The following ASIC2 variants were observed in gnomAD, a reference collection of about 807,000 sequenced individuals.
ASIC2 encodes the protein acid sensing ion channel subunit 2, also known as acid-sensing ion channel 2.
Under a neutral mutation model 57.3 loss-of-function variants are expected in ASIC2, and 25 were observed. The observed-to-expected ratio is 0.44, with a 90% CI of 0.32 to 0.61. The LOEUF is 0.61. ASIC2 is among the 20% of genes least tolerant of loss of function. The probability of loss-of-function intolerance (pLI) is 0.06; values close to 1 mark genes in which losing one functional copy is unlikely to be tolerated. For missense variants in ASIC2, 641 were observed against 738.1 expected (o/e 0.87, Z 1.52); for synonymous variants, 319 against 307.5 (o/e 1.04, Z -0.39).
intron 1 of ASIC2, among the ~76,000 whole-genome samples, chr17:33,620,913 G>GC (rs1376235808): frequency 6.7e-6 from 1 of 150,168 alleles, no homozygotes; most frequent in Non-Finnish European, 1.5e-5. Flanking sequence ...CTCTGAGCCC[G>GC]CCCCCTTCCA....
intron 3 of ASIC2, among the ~76,000 whole-genome samples, chr17:33,028,947 T>A (rs1169378072): frequency 6.6e-6 from 1 of 152,216 alleles, no homozygotes; most frequent in Non-Finnish European, 1.5e-5. Context: ...ACTTTCCAAG[T>A]CATGCTGTAG....
intron 1 of ASIC2, among the ~76,000 whole-genome samples, chr17:33,177,472 C>G (rs1046738796): frequency 3.3e-5 from 5 of 152,126 alleles, no homozygotes; most frequent in African/African-American, 7.2e-5. Context: ...AAGGGGACAC[C>G]AAACACAAGT....
At chr17:33,233,448 C>T (rs1314276943) in intron 1 of ASIC2, among the ~76,000 whole-genome samples, 2 of 151,870 alleles carry the variant, frequency 1.3e-5, no homozygotes, top group Non-Finnish European at 2.9e-5. Context: ...ACACAATTCA[C>T]ATACACACGA....
chr17:33,479,745 C>A (rs2141925886), intron 1 of ASIC2, among the ~76,000 whole-genome samples: 1 of 152,288 alleles, frequency 6.6e-6, no homozygotes, highest in South Asian at 2.1e-4. Context: ...AGGCTGTGAC[C>A]AGGCCTTCGC....
chr17:33,460,980 C>T (rs1263411019), intron 1 of ASIC2, among the ~76,000 whole-genome samples: 1 of 152,192 alleles, frequency 6.6e-6, no homozygotes, highest in East Asian at 1.9e-4. Flanking sequence ...AGCTTTTCAG[C>T]TTTTCTCAAT....
intron 1 of ASIC2, among the ~76,000 whole-genome samples, chr17:33,801,661 TCA>T (rs1397054269): frequency 6.6e-6 from 1 of 152,198 alleles, no homozygotes; most frequent in Non-Finnish European, 1.5e-5. Flanking sequence ...GCATAGTGTC[TCA>T]ACACGTTAAT....
At chr17:33,637,319 G>A (rs1906404183) in intron 1 of ASIC2, among the ~76,000 whole-genome samples, 1 of 151,982 alleles carries the variant, frequency 6.6e-6, no homozygotes, top group Admixed American at 6.6e-5. Context: ...TCCTAGATCT[G>A]CATCTCCAGC....
At chr17:34,122,086 A>G (rs1911639374) in intron 1 of ASIC2, among the ~76,000 whole-genome samples, 1 of 152,150 alleles carries the variant, frequency 6.6e-6, no homozygotes, top group African/African-American at 2.4e-5. Flanking sequence ...GTTATCTTTT[A>G]TTTATTTCAT....
intron 1 of ASIC2, among the ~76,000 whole-genome samples, chr17:33,760,316 T>C (rs1910742661): frequency 6.6e-6 from 1 of 152,182 alleles, no homozygotes; most frequent in East Asian, 1.9e-4. Flanking sequence ...ATGTATGTTT[T>C]TATTTTATTA....
intron 1 of ASIC2, among the ~76,000 whole-genome samples, chr17:33,508,953 C>G (rs759303946): frequency 4.8e-4 from 73 of 152,312 alleles, no homozygotes; most frequent in Non-Finnish European, 8.2e-4. Context: ...ACCTCCAGAG[C>G]TGGAGTTGGT....
intron 1 of ASIC2, among the ~76,000 whole-genome samples, chr17:34,033,317 G>A (rs147283339): frequency 6.3e-4 from 96 of 152,156 alleles, no homozygotes; most frequent in African/African-American, 2.1e-3. Flanking sequence ...TGAAACCAAC[G>A]AGAACAAAAA....
chr17:34,046,952 C>T (rs535401490), intron 1 of ASIC2, among the ~76,000 whole-genome samples: 124 of 152,296 alleles, frequency 8.1e-4, no homozygotes, highest in Middle Eastern at 6.8e-3. Context: ...TTTGAGAACT[C>T]TCCATGCCAG....
chr17:33,348,383 G>T (rs190799058), intron 1 of ASIC2, among the ~76,000 whole-genome samples: 4 of 152,226 alleles, frequency 2.6e-5, no homozygotes, highest in Admixed American at 2.6e-4. Context: ...ACAAATGGGA[G>T]CAAGAAGCAG....
intron 1 of ASIC2, among the ~76,000 whole-genome samples, chr17:33,888,330 G>A (rs1047150473): frequency 2.6e-5 from 4 of 152,124 alleles, no homozygotes; most frequent in Admixed American, 6.6e-5. Context: ...CAAGTGTGGG[G>A]GTGCTGCAAG....
chr17:33,580,138 T>C (rs1437087749), intron 1 of ASIC2: 3 of 152,114 alleles, frequency 2.0e-5, no homozygotes, highest in Admixed American at 6.5e-5. Context: ...ACCCACAGGG[T>C]AGTAAGTTGA....
intron 1 of ASIC2, among the ~76,000 whole-genome samples, chr17:33,818,123 T>G (rs2141891020): frequency 6.6e-6 from 1 of 152,286 alleles, no homozygotes; most frequent in South Asian, 2.1e-4. Context: ...CTCCTGGAGT[T>G]GAGGGATAAG....
chr17:33,513,130 T>C (rs1914475521), intron 1 of ASIC2, among the ~76,000 whole-genome samples: 1 of 152,250 alleles, frequency 6.6e-6, no homozygotes, highest in Admixed American at 6.5e-5. Context: ...GGTGCTGGCA[T>C]GGCAGGACTG....
intron 1 of ASIC2, among the ~76,000 whole-genome samples, chr17:33,683,932 T>C (rs6505366): frequency 0.011 from 1,647 of 152,294 alleles, 30 homozygotes; most frequent in African/African-American, 0.038. Context: ...AATAAGGTCA[T>C]GAGGTACTGG....
intron 1 of ASIC2, among the ~76,000 whole-genome samples, chr17:33,451,246 T>C (rs1017826861): frequency 1.3e-5 from 2 of 151,976 alleles, no homozygotes; most frequent in African/African-American, 4.8e-5. Context: ...TACAAAGTTT[T>C]GTATTTTTCA....
Sources: allele counts gnomAD v4.1 joint callset (sites outside exome capture counted in the v4.1 genomes callset), GRCh38; gene constraint gnomAD v4.1.1; transcripts MANE v1.5; gene names NCBI Gene and HGNC (gene_info 2026-07-23, HGNC 2026-07-21).